LSAMP: variants seen among roughly 807,000 people sequenced by gnomAD.
The protein encoded by LSAMP is limbic system associated membrane protein, also known as limbic system-associated membrane protein.
In LSAMP, 7 loss-of-function variants were observed where a neutral mutation model predicts 38.6. The observed-to-expected ratio is 0.18, with a 90% CI of 0.10 to 0.34. The LOEUF (loss-of-function observed/expected upper bound fraction) is 0.34. Among genes scored for constraint, LSAMP ranks in the 10% least tolerant of loss-of-function variants. The probability of loss-of-function intolerance (pLI) is 1.00; values close to 1 mark genes in which losing one functional copy is unlikely to be tolerated. For missense variants in LSAMP, 313 were observed against 420.0 expected, an observed-to-expected ratio of 0.75 and a Z score of 2.23; for synonymous variants, 154 against 166.8, an observed-to-expected ratio of 0.92 and a Z score of 0.59.
intron 1 of LSAMP, among the ~76,000 whole-genome samples, chr3:116,088,922 G>A (rs779851218): frequency 6.6e-6 from 1 of 152,008 alleles, no homozygotes; most frequent in Non-Finnish European, 1.5e-5. Context: ...GAACTAACTG[G>A]GTCACACATG....
intron 6 of LSAMP, among the ~76,000 whole-genome samples, chr3:115,826,976 T>A (rs2107475756): frequency 6.9e-6 from 1 of 144,704 alleles, no homozygotes; most frequent in South Asian, 2.2e-4. Context: ...TTTTTTTTTT[T>A]AAGCACTGCT....
In LSAMP at chr3:116,019,611, C is replaced by A; in HGVS notation, c.418G>T (p.Asp140Tyr). 6.2e-7 allele frequency: 1 copy of A among 1,612,806 alleles called. No homozygotes were observed. The highest frequency in any genetic ancestry group is 8.5e-7 in the Non-Finnish European group (1 of 1,179,044). The change falls in exon 3 of 7, where the codon GAT (aspartate) becomes TAT (tyrosine). Residue 140 changes from aspartate to tyrosine, a missense_variant. Coordinates refer to ENST00000490035, the MANE Select transcript of LSAMP (RefSeq NM_002338.5). Reference protein sequence around the residue: ...VPPKISNISSDVTVNEGSNVT... With the variant: ...VPPKISNISSYVTVNEGSNVT... ...TTGCTGCCCTCATTCACAGTGACAT[C>A]CGAGGAGATATTGGAGATCTTTGGT...
chr3:115,999,195 A>G (rs1230124456), intron 3 of LSAMP, among the ~76,000 whole-genome samples: 1 of 152,156 alleles, frequency 6.6e-6, no homozygotes, highest in Non-Finnish European at 1.5e-5. Context: ...TCAGCTGCAT[A>G]TTCAGTGACA....
At position 115,891,932 on chromosome 3, in the gene LSAMP, C is replaced by T. The variant is rs185153862; in HGVS notation, c.515-39315G>A. ...ATGATTATGATGTTCACAGTCGGTT[C>T]TTTGAATAGGTAAGTTATTATTAGT... On this transcript the variant is annotated intron_variant, in intron 3 of 6. Coordinates refer to ENST00000490035, the MANE Select transcript of LSAMP (RefSeq NM_002338.5). Among the ~76,000 whole-genome samples, 71 of 151,966 alleles carry T rather than the reference C, an allele frequency of 4.7e-4. 1 individual carries two copies. The highest frequency in any genetic ancestry group is 4.1e-3 in the Admixed American group (63 of 15,238).
chr3:116,206,382 G>GT (rs1161701601), intron 1 of LSAMP, among the ~76,000 whole-genome samples: 4 of 151,172 alleles, frequency 2.6e-5, no homozygotes, highest in Admixed American at 6.6e-5. Flanking sequence ...TTTTTGAAGG[G>GT]TTTTTTTGGT....
rs76177908 is a variant in LSAMP at position 116,113,903 on chromosome 3, A to G, written c.156-27347T>C. ...CAATAATTGCAAGCTACAAAGAGCA[A>G]TGAGGAGAGTCTCAGGAATACTCGG... On this transcript the variant is annotated intron_variant, in intron 1 of 6. Coordinates refer to ENST00000490035, the MANE Select transcript of LSAMP (RefSeq NM_002338.5). 2.5e-3 allele frequency among the ~76,000 whole-genome samples: 380 copies of G among 152,316 alleles called. 9 individuals are homozygous for G. The East Asian group carries it at 0.04, about 16-fold the overall frequency.
intron 1 of LSAMP, among the ~76,000 whole-genome samples, chr3:116,205,409 A>G (rs1426985087): frequency 1.0e-4 from 6 of 58,592 alleles, no homozygotes; most frequent in South Asian, 7.9e-4. Context: ...TCTCCTGCCT[A>G]ATTGCCCTGG....
intron 1 of LSAMP, among the ~76,000 whole-genome samples, chr3:116,159,989 T>C (rs111880345): frequency 0.033 from 5,008 of 152,198 alleles, 217 homozygotes; most frequent in African/African-American, 0.1. Context: ...GAAAACAAAA[T>C]ACTGCATGTT....
At chr3:116,069,743 CAAG>C (rs1415285321) in intron 2 of LSAMP, among the ~76,000 whole-genome samples, 1 of 152,036 alleles carries the variant, frequency 6.6e-6, no homozygotes, top group Non-Finnish European at 1.5e-5. Flanking sequence ...CAGAAAGAAA[CAAG>C]AGATATTTTG....
At chr3:116,217,930 G>T (rs894061692) in intron 1 of LSAMP, among the ~76,000 whole-genome samples, 2 of 152,120 alleles carry the variant, frequency 1.3e-5, no homozygotes, top group Non-Finnish European at 2.9e-5. Context: ...TTTGAGGAAG[G>T]CTTTTATTCC....
rs1933600085 is a variant in LSAMP, at chr3:115,805,053, T to A, written c.*5264A>T. 6.6e-6 allele frequency: 1 copy of A among 152,222 alleles called. No individual in the cohort carries two copies. Among genetic ancestry groups the A allele is most frequent in the African/African-American group, 2.4e-5 (1 of 41,464 alleles). 9.4% of individuals were successfully genotyped at this position (152,222 alleles called of 1,614,324 possible). A position where few individuals can be genotyped will look rare whatever the true frequency, so the allele number is the denominator to read the frequency against. On this transcript the variant is annotated 3_prime_UTR_variant, in exon 7 of 7. Transcript: ENST00000490035. ...AATATTTTGCTCATCAAGGTTTAGG[T>A]CACTTCCTTGGAGCTATTTAAATAA...
chr3:115,825,796 ATT>A (rs1217787379), intron 6 of LSAMP, among the ~76,000 whole-genome samples: 2 of 152,158 alleles, frequency 1.3e-5, no homozygotes, highest in African/African-American at 4.8e-5. Context: ...AAATATTTAT[ATT>A]TTCTTTATGC....
chr3:116,015,669 T>C (rs151330517), intron 3 of LSAMP, among the ~76,000 whole-genome samples: 1 of 152,260 alleles, frequency 6.6e-6, no homozygotes, highest in African/African-American at 2.4e-5. Context: ...GTATGAAAAA[T>C]TCACCATTCT....
At chr3:116,137,104 T>G (rs1419116606) in intron 1 of LSAMP, among the ~76,000 whole-genome samples, 1 of 152,108 alleles carries the variant, frequency 6.6e-6, no homozygotes, top group African/African-American at 2.4e-5. Context: ...GCATTCCAAT[T>G]GCTGCTGGAT....
At chr3:116,241,909 A>G (rs2107638967) in intron 1 of LSAMP, among the ~76,000 whole-genome samples, 1 of 152,396 alleles carries the variant, frequency 6.6e-6, no homozygotes, top group South Asian at 2.1e-4. Context: ...TGCAGAGAAC[A>G]GCAGATTTGG....
chr3:116,143,565 T>G (rs1440349003), intron 1 of LSAMP, among the ~76,000 whole-genome samples: 2 of 151,980 alleles, frequency 1.3e-5, no homozygotes, highest in Non-Finnish European at 2.9e-5. Flanking sequence ...TTAAAATATC[T>G]CATTACCCCA....
intron 1 of LSAMP, among the ~76,000 whole-genome samples, chr3:116,095,804 T>C (rs1374229183): frequency 2.0e-5 from 3 of 152,192 alleles, no homozygotes; most frequent in Non-Finnish European, 4.4e-5. Context: ...CATTCTCTTC[T>C]TAATCACATC....
chr3:116,178,952 T>C (rs1331293242), intron 1 of LSAMP, among the ~76,000 whole-genome samples: 1 of 152,104 alleles, frequency 6.6e-6, no homozygotes, highest in African/African-American at 2.4e-5. Flanking sequence ...AATTGGGTTT[T>C]AATCACTTTA....
At chr3:116,204,429 T>A (rs1232873870) in intron 1 of LSAMP, among the ~76,000 whole-genome samples, 3 of 152,156 alleles carry the variant, frequency 2.0e-5, no homozygotes, top group Non-Finnish European at 4.4e-5. Flanking sequence ...GTCAATTTTG[T>A]CTTTTATTGC....
Sources: gnomAD v4.1 joint callset for allele counts (sites outside exome capture counted in the v4.1 genomes callset) on GRCh38, gnomAD v4.1.1 for gene constraint, MANE v1.5 for transcripts, NCBI Gene and HGNC (gene_info 2026-07-23, HGNC 2026-07-21) for gene names.